PCDHA5: variants seen among roughly 807,000 people sequenced by gnomAD.
PCDHA5 encodes the protein protocadherin alpha-5.
In PCDHA5, 43 loss-of-function variants were observed where a neutral mutation model predicts 61.6. The ratio of observed to expected loss-of-function variants is 0.70; its 90% confidence interval spans 0.55 to 0.90. The LOEUF (loss-of-function observed/expected upper bound fraction) is 0.90. Ranked by LOEUF, PCDHA5 falls within the 40% of genes least tolerant of loss-of-function variation. The pLI is 0.00. For missense variants in PCDHA5, 1,298 were observed against 1,222.7 expected (o/e 1.06, Z -0.92); for synonymous variants, 627 against 543.9 (o/e 1.15, Z -2.13).
chr5:140,967,963 A>G (rs1554230144), intron 1 of PCDHA5: 1 of 1,614,210 alleles, frequency 6.2e-7, no homozygotes, highest in South Asian at 1.1e-5. Flanking sequence ...CCAACCGGAA[A>G]GTGAGCCTGG....
chr5:140,876,723 C>T (rs782820769), intron 1 of PCDHA5: 2 of 1,614,130 alleles, frequency 1.2e-6, no homozygotes, highest in African/African-American at 1.3e-5. Flanking sequence ...ACCGCGAGAG[C>T]GTGTCGGCCT....
At chr5:140,890,276 TC>T (rs1173106367) in intron 1 of PCDHA5, among the ~76,000 whole-genome samples, 2 of 152,136 alleles carry the variant, frequency 1.3e-5, no homozygotes, top group Non-Finnish European at 2.9e-5. Context: ...CAAGAACCAC[TC>T]AGTTGAGTCA....
At chr5:140,832,622 T>A (rs2150202867) in intron 1 of PCDHA5, among the ~76,000 whole-genome samples, 13 of 152,136 alleles carry the variant, frequency 8.5e-5, no homozygotes, top group African/African-American at 3.1e-4. Flanking sequence ...AAATGTTTTT[T>A]AAAAAGTTCC....
At chr5:140,969,382 TC>T in intron 1 of PCDHA5, 1 of 1,597,954 alleles carries the variant, frequency 6.3e-7, no homozygotes, top group Non-Finnish European at 8.5e-7. Flanking sequence ...TTGTTACACA[TC>T]CCCCAATATC....
At chr5:140,884,252 A>T (rs782059444) in intron 1 of PCDHA5, 36 of 1,613,334 alleles carry the variant, frequency 2.2e-5, no homozygotes, top group Non-Finnish European at 2.9e-5. Context: ...GCTGACGGCC[A>T]CGGCAACGGT....
intron 1 of PCDHA5, among the ~76,000 whole-genome samples, chr5:140,949,636 T>C (rs1047386786): frequency 1.3e-5 from 2 of 151,898 alleles, no homozygotes; most frequent in Non-Finnish European, 3.0e-5. Context: ...GGCATATTGC[T>C]TTTTGTTCAT....
chr5:140,947,685 G>T (rs553954790), intron 1 of PCDHA5, among the ~76,000 whole-genome samples: 1 of 151,508 alleles, frequency 6.6e-6, no homozygotes, highest in South Asian at 2.1e-4. Flanking sequence ...AATTGTCTCA[G>T]CATGTTCTGT....
At chr5:141,006,108 T>G (rs1268824828) in intron 3 of PCDHA5, among the ~76,000 whole-genome samples, 3 of 151,864 alleles carry the variant, frequency 2.0e-5, no homozygotes, top group Non-Finnish European at 4.4e-5. Flanking sequence ...GTAAGGAGTT[T>G]TTTTTTTTTT....
chr5:140,957,021 T>C (rs1431974405), intron 1 of PCDHA5, among the ~76,000 whole-genome samples: 3 of 152,182 alleles, frequency 2.0e-5, no homozygotes, highest in Non-Finnish European at 2.9e-5. Context: ...AGTGAGCATT[T>C]AGATATTTAT....
At chr5:140,955,654 AT>A (rs1264049969) in intron 1 of PCDHA5, among the ~76,000 whole-genome samples, 1 of 152,208 alleles carries the variant, frequency 6.6e-6, no homozygotes, top group Non-Finnish European at 1.5e-5. Flanking sequence ...TAATACACAT[AT>A]GAATTTTAAC....
intron 1 of PCDHA5, chr5:140,876,161 T>C (rs1582262337): frequency 6.2e-7 from 1 of 1,613,960 alleles, no homozygotes; most frequent in Non-Finnish European, 8.5e-7. Flanking sequence ...CAGATTCAAA[T>C]AACCGTCCTG....
intron 1 of PCDHA5, among the ~76,000 whole-genome samples, chr5:140,924,409 T>C (rs1554201915): frequency 6.6e-6 from 1 of 152,186 alleles, no homozygotes; most frequent in Non-Finnish European, 1.5e-5. Flanking sequence ...TATATCACAG[T>C]GTGCCCTTTC....
chr5:140,949,679 T>A (rs246046), intron 1 of PCDHA5, among the ~76,000 whole-genome samples: 85,531 of 151,538 alleles, frequency 0.56, 24,739 homozygotes, highest in African/African-American at 0.69. Context: ...ATGCCCTTGT[T>A]GAAGCGTATT....
chr5:140,822,093 G>A lies in PCDHA5; in HGVS notation c.318G>A (p.Glu106=). 1 of 1,614,262 alleles carries A rather than the reference G, an allele frequency of 6.2e-7. No homozygotes were observed. Among genetic ancestry groups the A allele is most frequent in the South Asian group, 1.1e-5 (1 of 91,088 alleles). The change falls in exon 1 of 4, where the codon GAG becomes GAA. Residue 106 remains glutamate, a synonymous_variant. Transcript: ENST00000529859. The stretch of plus-strand genomic sequence containing the variant: ...GGGCGGAGTGCAGCATCCACCTGGA[G>A]GTGATCGTGGACAGGCCGCTGCAGG... ...RRRAECSIHL[E]VIVDRPLQVF... is the part of the protein sequence containing the mutation.
intron 1 of PCDHA5, chr5:140,884,466 C>G (rs1212644572): frequency 2.5e-6 from 4 of 1,613,646 alleles, no homozygotes; most frequent in Non-Finnish European, 3.4e-6. Flanking sequence ...GGCGCGTGCG[C>G]GCCGGGCAAG....
intron 1 of PCDHA5, among the ~76,000 whole-genome samples, chr5:140,922,817 G>A (rs1554200973): frequency 1.3e-5 from 2 of 152,218 alleles, no homozygotes; most frequent in Non-Finnish European, 2.9e-5. Context: ...AGGAGATACA[G>A]CATACTGCTA....
intron 1 of PCDHA5, chr5:140,871,083 C>A: frequency 1.1e-5 from 18 of 1,613,186 alleles, no homozygotes; most frequent in Non-Finnish European, 1.4e-5. Flanking sequence ...CGCTGACGGC[C>A]ACGGCCACCG....
intron 1 of PCDHA5, chr5:140,968,252 C>T: frequency 1.2e-6 from 2 of 1,613,948 alleles, no homozygotes; most frequent in Non-Finnish European, 1.7e-6. Context: ...AGCCACAGAC[C>T]CAGATGAAAA....
At chr5:140,969,385 C>A in intron 1 of PCDHA5, 1 of 1,598,120 alleles carries the variant, frequency 6.3e-7, no homozygotes, top group East Asian at 2.2e-5. Context: ...TTACACATCC[C>A]CCAATATCCT....
Sources: allele counts gnomAD v4.1 joint callset (sites outside exome capture counted in the v4.1 genomes callset), GRCh38; gene constraint gnomAD v4.1.1; transcripts MANE v1.5; gene names NCBI Gene and HGNC (gene_info 2026-07-23, HGNC 2026-07-21).